The following ACTN4 variants were observed in gnomAD, a reference collection of about 807,000 sequenced individuals.
ACTN4 encodes the protein alpha-actinin-4.
ACTN4 carries 18 observed loss-of-function variants against 114.2 expected under a neutral mutation model. That is an observed-to-expected ratio of 0.16 (90% CI 0.11 to 0.23). The LOEUF (loss-of-function observed/expected upper bound fraction) is 0.23. Among genes scored for constraint, ACTN4 ranks in the 10% least tolerant of loss-of-function variants. The probability of loss-of-function intolerance (pLI) is 1.00; values close to 1 mark genes in which losing one functional copy is unlikely to be tolerated. For synonymous variants in ACTN4, 515 were observed against 506.3 expected (o/e 1.02, Z -0.23); for missense variants, 722 against 1,262.9 (o/e 0.57, Z 6.49).
chr19:38,727,149 C>T lies in ACTN4; in HGVS notation c.2337+46C>T, dbSNP rs376220680. The T allele has an allele frequency of 5.3e-5, 86 of 1,612,916 alleles. No homozygotes were observed. Among genetic ancestry groups the T allele is most frequent in the Non-Finnish European group, 6.8e-5 (80 of 1,179,666 alleles). On this transcript the variant is annotated intron_variant, in intron 18 of 20. Transcript: ENST00000252699. The surrounding 1 kb of genome is among the most constrained non-coding windows in gnomAD (Gnocchi z 5.4). ...TCGGCCTCTCCCCTCCCGCCGTTGC[C>T]GTACCAGCCCACACCTTCGTCTCTG... is the stretch of plus-strand genomic sequence containing the variant.
intron 1 of ACTN4, among the ~76,000 whole-genome samples, chr19:38,659,065 C>CTTTTTCTTTTTTTTTT (rs1555822760): frequency 9.0e-6 from 1 of 111,692 alleles, no homozygotes; most frequent in Non-Finnish European, 1.8e-5. Flanking sequence ...CTTTTCTTTT[C>CTTTTTCTTTTTTTTTT]TTTTTTTTTT....
chr19:38,649,101 T>C (rs1001801753), intron 1 of ACTN4, among the ~76,000 whole-genome samples: 13 of 146,338 alleles, frequency 8.9e-5, no homozygotes, highest in Non-Finnish European at 1.2e-4. Flanking sequence ...CCAGGAAGAA[T>C]TGTGTCTTTT....
At chr19:38,676,767 G>C (rs988523799) in intron 1 of ACTN4, among the ~76,000 whole-genome samples, 7 of 152,150 alleles carry the variant, frequency 4.6e-5, no homozygotes, top group Admixed American at 1.3e-4. Flanking sequence ...AGCATGACCA[G>C]GTGCTCTAGC....
intron 1 of ACTN4, among the ~76,000 whole-genome samples, chr19:38,680,381 A>G (rs1967526596): frequency 6.6e-6 from 1 of 151,908 alleles, no homozygotes; most frequent in African/African-American, 2.4e-5. Flanking sequence ...GGGTTTCACC[A>G]TTTGGCCAGG....
At chr19:38,710,789 C>T in intron 8 of ACTN4, 1 of 311,896 alleles carries the variant, frequency 3.2e-6, no homozygotes. Flanking sequence ...GTGTTCCAGG[C>T]AGAGGGTGAA....
At chr19:38,685,538 G>C (rs148851557) in intron 1 of ACTN4, among the ~76,000 whole-genome samples, 1 of 152,158 alleles carries the variant, frequency 6.6e-6, no homozygotes, top group East Asian at 1.9e-4. Flanking sequence ...CCTCTGGATC[G>C]AGGGGACTCA....
intron 8 of ACTN4, among the ~76,000 whole-genome samples, chr19:38,711,748 C>A (rs769627844): frequency 3.9e-5 from 6 of 152,268 alleles, no homozygotes; most frequent in Non-Finnish European, 8.8e-5. Flanking sequence ...CCCTGCCAAG[C>A]CCTTCGTGGG....
intron 7 of ACTN4, among the ~76,000 whole-genome samples, 199 bp from the exon 8 acceptor site, chr19:38,710,058 C>T (rs1463887107): frequency 3.3e-5 from 5 of 152,074 alleles, no homozygotes; most frequent in East Asian, 3.9e-4. Context: ...CATTTTAATC[C>T]GCTTCCCACA....
chr19:38,656,459 C>G (rs542784290), intron 1 of ACTN4, among the ~76,000 whole-genome samples: 1 of 152,222 alleles, frequency 6.6e-6, no homozygotes, highest in Non-Finnish European at 1.5e-5. Flanking sequence ...ACCCCTTCAT[C>G]GGATTTGAAC....
At chr19:38,655,377 C>T (rs531939327) in intron 1 of ACTN4, among the ~76,000 whole-genome samples, 9 of 152,220 alleles carry the variant, frequency 5.9e-5, no homozygotes, top group African/African-American at 1.7e-4. Flanking sequence ...CCCACCAGCA[C>T]CAAGCAGAGA....
chr19:38,665,832 CTCTTTCCCCGGGTTCCCT>C (rs1453097793), intron 1 of ACTN4, among the ~76,000 whole-genome samples: 2 of 152,164 alleles, frequency 1.3e-5, no homozygotes, highest in Admixed American at 1.3e-4. Context: ...AGCCGGGGGG[CTCTTTCCCCGGGTTCCCT>C]TCTTTCCCTG....
In ACTN4 at chr19:38,708,344, C is replaced by G. The variant is rs1464501384; in HGVS notation, c.651+149C>G. 8 of 840,254 alleles carry G rather than the reference C, an allele frequency of 9.5e-6. No individual in the cohort carries two copies. In the Middle Eastern group the frequency reaches 2.0e-3, roughly 210 times the overall value. 52.0% of individuals were successfully genotyped at this position (840,254 alleles called of 1,614,324 possible). On this transcript the variant is annotated intron_variant, in intron 6 of 20. Transcript: ENST00000252699. ...GCAGCCTGGGAGAGCCTTGTGCAGG[C>G]TCTCCGCAACCCCTGGCTCGGTGGC...
At chr19:38,673,497 T>TTA (rs1372114559) in intron 1 of ACTN4, among the ~76,000 whole-genome samples, 1 of 67,662 alleles carries the variant, frequency 1.5e-5, no homozygotes, top group Non-Finnish European at 3.5e-5. Flanking sequence ...TCATATATAT[T>TTA]TATATATATG....
Position 38,727,907 on chromosome 19 carries a change from C to T in ACTN4, c.2338-39C>T, listed in dbSNP as rs529061344. 2.6e-5 allele frequency: 41 copies of T among 1,602,896 alleles called. No individual in the cohort carries two copies. The highest frequency in any genetic ancestry group is 1.8e-4 in the East Asian group (8 of 44,620). On this transcript the variant is annotated intron_variant, in intron 18 of 20. Coordinates refer to ENST00000252699, the MANE Select transcript of ACTN4 (RefSeq NM_004924.6). This position sits in a 1 kb window ranked among gnomAD's most constrained non-coding sequence, Gnocchi z 5.4. Reference sequence around the variant, plus strand: ...CGATCCCTCATCCTGGTCTCCACGCCGCCCCTCCCGCACACCTGCCTTCGG... The same window carrying T: ...CGATCCCTCATCCTGGTCTCCACGCTGCCCCTCCCGCACACCTGCCTTCGG...
At chr19:38,681,734 C>T (rs1252495871) in intron 1 of ACTN4, among the ~76,000 whole-genome samples, 10 of 152,216 alleles carry the variant, frequency 6.6e-5, no homozygotes, top group Admixed American at 6.5e-4. Context: ...CAGGGTCTCC[C>T]CCAGACCCTT....
In ACTN4 at chr19:38,731,099, G is replaced by C; in HGVS notation, c.*1667G>C. On this transcript the variant is annotated 3_prime_UTR_variant, in exon 21 of 21. Coordinates refer to ENST00000252699, the MANE Select transcript of ACTN4 (RefSeq NM_004924.6). ...CCCCATGCCCCACCATGCCGGGGTG[G>C]TACTCACAGAAGATGCAGGTGAGGT... is the stretch of plus-strand genomic sequence containing the variant. 1 of 1,608,172 alleles carries C rather than the reference G, an allele frequency of 6.2e-7. No individual in the cohort carries two copies. The highest frequency in any genetic ancestry group is 2.2e-5 in the East Asian group (1 of 44,696).
intron 3 of ACTN4, among the ~76,000 whole-genome samples, chr19:38,704,358 G>A (rs573999321): frequency 1.3e-5 from 2 of 152,344 alleles, no homozygotes; most frequent in South Asian, 4.1e-4. Context: ...GGGCGGGAAG[G>A]GTACATAGGA....
rs1969523232 is a variant in ACTN4, at chr19:38,730,780, C to G, written c.*1348C>G. ...ATGCCAGAGAGAGTGGCACCCATGC[C>G]AGGCAAGGCCTAGGGAGGTGGTCTT... On this transcript the variant is annotated 3_prime_UTR_variant, in exon 21 of 21. Transcript: ENST00000252699. The G allele has an allele frequency of 6.5e-7, 1 of 1,531,122 alleles. No individual in the cohort carries two copies. Among genetic ancestry groups the G allele is most frequent in the Admixed American group, 2.0e-5 (1 of 50,936 alleles). The allele number at this position is 1,531,122 out of a possible 1,614,324, so 94.8% of individuals were successfully genotyped here.
Position 38,730,901 on chromosome 19 carries a change from T to C in ACTN4, c.*1469T>C. The C allele has an allele frequency of 1.9e-6, 3 of 1,551,086 alleles. No homozygotes were observed. The highest frequency in any genetic ancestry group is 1.7e-6 in the Non-Finnish European group (2 of 1,147,220). On this transcript the variant is annotated 3_prime_UTR_variant, in exon 21 of 21. Coordinates refer to ENST00000252699, the MANE Select transcript of ACTN4 (RefSeq NM_004924.6). ...CCACTAAGGAAGAGAAGGAAGACAG[T>C]GGCTTGAGGCAGGGAGCTCGCAGGA...
Sources: gnomAD v4.1 joint callset for allele counts (sites outside exome capture counted in the v4.1 genomes callset) on GRCh38, gnomAD v4.1.1 for gene constraint, Gnocchi (gnomAD v3.1) non-coding constraint, MANE v1.5 for transcripts, NCBI Gene and HGNC (gene_info 2026-07-23, HGNC 2026-07-21) for gene names.